The following COL5A2 variants were observed in gnomAD, a reference collection of about 807,000 sequenced individuals.
COL5A2 encodes the protein collagen alpha-2(V) chain.
A neutral mutation model predicts 208.2 loss-of-function variants in COL5A2; 23 were observed. The observed-to-expected ratio is 0.11, with a 90% CI of 0.08 to 0.16. The LOEUF (loss-of-function observed/expected upper bound fraction) is 0.16, where lower values mean the gene tolerates loss of function less well. Among genes scored for constraint, COL5A2 ranks in the 10% least tolerant of loss-of-function variants. COL5A2 has a pLI of 1.00. For synonymous variants in COL5A2, 625 were observed against 628.5 expected, an observed-to-expected ratio of 0.99 and a Z score of 0.08; for missense variants, 1,590 against 1,956.4, an observed-to-expected ratio of 0.81 and a Z score of 3.53.
the COL5A2 span, among the ~76,000 whole-genome samples, chr2:189,339,350 CAAA>C: frequency 0.044 from 5,073 of 114,340 alleles, 99 homozygotes; most frequent in Admixed American, 0.067. Context: ...GACTCTGTCT[CAAA>C]AAAAAAAAAA....
In COL5A2 at chr2:189,159,703, A is replaced by T. The variant is rs913911536; in HGVS notation, c.97+19805T>A. ...TGCATATTCACTGAAAAAATTATTT[A>T]AAAAAATCTAAACTTCTAAAACATT... On this transcript the variant is annotated intron_variant, in intron 1 of 53. Coordinates refer to ENST00000374866, the MANE Select transcript of COL5A2 (RefSeq NM_000393.5). Among the ~76,000 whole-genome samples, 15 of 96,480 alleles carry T rather than the reference A, an allele frequency of 1.6e-4. No homozygotes were observed. In the South Asian group the frequency reaches 3.1e-3, roughly 20 times the overall value. 63.3% of individuals were successfully genotyped at this position (96,480 alleles called of 152,430 possible).
the COL5A2 span, among the ~76,000 whole-genome samples, chr2:189,394,731 C>T: frequency 6.6e-6 from 1 of 151,928 alleles, no homozygotes; most frequent in East Asian, 1.9e-4. Flanking sequence ...CCATGACAGG[C>T]TCATAAAGAT....
chr2:189,171,361 A>G (rs1248940081), intron 1 of COL5A2, among the ~76,000 whole-genome samples: 1 of 152,178 alleles, frequency 6.6e-6, no homozygotes, highest in African/African-American at 2.4e-5. Context: ...AGAAGGCACC[A>G]ATATATGTGT....
At chr2:189,208,360 A>G (rs1689168435) in intron 1 of COL5A2, among the ~76,000 whole-genome samples, 2 of 152,252 alleles carry the variant, frequency 1.3e-5, no homozygotes, top group African/African-American at 4.8e-5. Context: ...CAAACAATCT[A>G]TAGAAGTACA....
At chr2:189,255,054 T>C in the COL5A2 span, among the ~76,000 whole-genome samples, 1 of 152,186 alleles carries the variant, frequency 6.6e-6, no homozygotes, top group African/African-American at 2.4e-5. Context: ...GCAAAAGCAA[T>C]GTATCACTCC....
chr2:189,051,714 A>T (rs1685793343), intron 41 of COL5A2, among the ~76,000 whole-genome samples: 1 of 152,202 alleles, frequency 6.6e-6, no homozygotes, highest in Admixed American at 6.5e-5. Context: ...ATTCCCTTTG[A>T]ATAATTTTTA....
the COL5A2 span, among the ~76,000 whole-genome samples, chr2:189,231,004 G>C: frequency 6.6e-6 from 1 of 151,894 alleles, no homozygotes; most frequent in African/African-American, 2.4e-5. Flanking sequence ...ACTTAAAAAA[G>C]AAAATCCTGG....
the COL5A2 span, among the ~76,000 whole-genome samples, chr2:189,396,503 C>T: frequency 6.6e-6 from 1 of 150,664 alleles, no homozygotes; most frequent in Non-Finnish European, 1.5e-5. Context: ...GAAACCCCGT[C>T]TCTACTAAAA....
At chr2:189,236,846 T>C in the COL5A2 span, among the ~76,000 whole-genome samples, 1 of 151,922 alleles carries the variant, frequency 6.6e-6, no homozygotes, top group Non-Finnish European at 1.5e-5. Context: ...TGATAACTTA[T>C]GATAATAAGT....
At chr2:189,264,313 C>T in the COL5A2 span, among the ~76,000 whole-genome samples, 1 of 151,980 alleles carries the variant, frequency 6.6e-6, no homozygotes, top group Non-Finnish European at 1.5e-5. Flanking sequence ...GGTATTCTGA[C>T]CATGTCTGTT....
chr2:189,136,144 C>T (rs1167192926), intron 1 of COL5A2, among the ~76,000 whole-genome samples: 1 of 152,176 alleles, frequency 6.6e-6, no homozygotes, highest in Non-Finnish European at 1.5e-5. Flanking sequence ...ATAGTTAAGT[C>T]ACCTTGTATT....
chr2:189,416,577 G>A, the COL5A2 span, among the ~76,000 whole-genome samples: 1 of 152,144 alleles, frequency 6.6e-6, no homozygotes, highest in Non-Finnish European at 1.5e-5. Flanking sequence ...AGGAGGAAGG[G>A]GGAGGGATAG....
At chr2:189,124,898 A>G (rs930889421) in intron 1 of COL5A2, among the ~76,000 whole-genome samples, 1 of 152,142 alleles carries the variant, frequency 6.6e-6, no homozygotes, top group African/African-American at 2.4e-5. Context: ...AATGAAATAA[A>G]TGTAATTGCT....
chr2:189,179,806 G>T, upstream of COL5A2: 1 of 741,866 alleles, frequency 1.3e-6, no homozygotes, highest in Non-Finnish European at 2.2e-6. Flanking sequence ...GAAGAATGCT[G>T]CCTCCACTTC....
the COL5A2 span, among the ~76,000 whole-genome samples, chr2:189,393,594 C>T: frequency 6.6e-6 from 1 of 152,132 alleles, no homozygotes; most frequent in African/African-American, 2.4e-5. Flanking sequence ...TTGAGGAATG[C>T]TGTTTATAAC....
chr2:189,145,566 T>C (rs892865534), intron 1 of COL5A2, among the ~76,000 whole-genome samples: 6 of 152,134 alleles, frequency 3.9e-5, no homozygotes, highest in African/African-American at 1.4e-4. Context: ...ATTTTCTTGC[T>C]ATATAATCAG....
chr2:189,334,507 T>G, the COL5A2 span, among the ~76,000 whole-genome samples: 1 of 152,128 alleles, frequency 6.6e-6, no homozygotes, highest in South Asian at 2.1e-4. Flanking sequence ...TTTTAAAAAT[T>G]ACATGCGAAA....
the COL5A2 span, among the ~76,000 whole-genome samples, chr2:189,285,071 GGTGTGTGTGTGTGT>G: frequency 2.1e-5 from 3 of 139,702 alleles, no homozygotes; most frequent in Non-Finnish European, 3.1e-5. Flanking sequence ...GCATGCACAT[GGTGTGTGTGTGTGT>G]GTGTGTGTGT....
At chr2:189,064,697 G>T in intron 24 of COL5A2, 42 bp from the exon 25 acceptor site, 1 of 1,367,764 alleles carries the variant, frequency 7.3e-7, no homozygotes, top group Admixed American at 1.7e-5. Context: ...AAAGAGTATA[G>T]AAAAACAAAA....
Sources: allele counts gnomAD v4.1 joint callset (sites outside exome capture counted in the v4.1 genomes callset), GRCh38; gene constraint gnomAD v4.1.1; transcripts MANE v1.5; gene names NCBI Gene and HGNC (gene_info 2026-07-23, HGNC 2026-07-21).